UNC79: variants seen among roughly 807,000 people sequenced by gnomAD.
UNC79 encodes the protein protein unc-79 homolog.
In UNC79, 37 loss-of-function variants were observed where a neutral mutation model predicts 283.1. That is an observed-to-expected ratio of 0.13 (90% CI 0.10 to 0.17). The LOEUF is 0.17. Ranked by LOEUF, UNC79 falls within the 10% of genes least tolerant of loss-of-function variation. The pLI is 1.00. For missense variants in UNC79, 2,272 were observed against 3,211.1 expected, an observed-to-expected ratio of 0.71 and a Z score of 7.07; for synonymous variants, 1,107 against 1,200.2, an observed-to-expected ratio of 0.92 and a Z score of 1.61.
chr14:93,339,188 C>T (rs2053646218), intron 1 of UNC79, among the ~76,000 whole-genome samples: 1 of 152,208 alleles, frequency 6.6e-6, no homozygotes, highest in African/African-American at 2.4e-5. Flanking sequence ...CAGATGTTCA[C>T]ACAGAGACAA....
chr14:93,636,664 C>T (rs1448309660), intron 31 of UNC79, among the ~76,000 whole-genome samples: 2 of 152,288 alleles, frequency 1.3e-5, no homozygotes, highest in East Asian at 1.9e-4. Flanking sequence ...CCATGCATGG[C>T]GCCATGACTT....
At chr14:93,678,289 G>A (rs1481252917) in intron 41 of UNC79, among the ~76,000 whole-genome samples, 2 of 152,176 alleles carry the variant, frequency 1.3e-5, no homozygotes, top group Admixed American at 6.5e-5. Context: ...AAAAAGATCA[G>A]TAACCAGAAG....
chr14:93,592,213 C>T (rs1333169156), intron 22 of UNC79, among the ~76,000 whole-genome samples: 4 of 132,624 alleles, frequency 3.0e-5, no homozygotes, highest in Admixed American at 1.8e-4. Context: ...CTCGCTCTGT[C>T]GCCCAGGCTG....
At chr14:93,519,546 T>C (rs940409318) in intron 7 of UNC79, among the ~76,000 whole-genome samples, 1 of 151,874 alleles carries the variant, frequency 6.6e-6, no homozygotes, top group Admixed American at 6.6e-5. Flanking sequence ...ATTTCTGGTA[T>C]GAATTGAAGC....
At chr14:93,445,240 C>T (rs138963952) in intron 1 of UNC79, among the ~76,000 whole-genome samples, 2,082 of 152,222 alleles carry the variant, frequency 0.014, 58 homozygotes, top group African/African-American at 0.048. Flanking sequence ...TGCACTGTTA[C>T]GCCATTTGTG....
At chr14:93,415,380 T>C in intron 1 of UNC79, among the ~76,000 whole-genome samples, 1 of 152,200 alleles carries the variant, frequency 6.6e-6, no homozygotes. Flanking sequence ...CACTTGATCA[T>C]GGTGGATAAG....
chr14:93,685,983 A>G (rs561529364), intron 42 of UNC79, among the ~76,000 whole-genome samples: 2 of 152,242 alleles, frequency 1.3e-5, no homozygotes, highest in Non-Finnish European at 2.9e-5. Context: ...AGAACTTGAC[A>G]GTAATACATG....
At position 93,705,347 on chromosome 14, in the gene UNC79, CAAAAAA is replaced by C. The variant is rs71129656; in HGVS notation, c.7590+701_7590+706del. On this transcript the variant is annotated intron_variant, in intron 48 of 48. Coordinates refer to ENST00000555664, the Ensembl canonical transcript of UNC79. Reference sequence around the variant, plus strand: ...ATAGACAGAGCAAGACCCAGTCTCTCAAAAAAAAAAAAAAAAAAAAAAAAAGAGGAG... The same window carrying C: ...ATAGACAGAGCAAGACCCAGTCTCTCAAAAAAAAAAAAAAAAAAAGAGGAG... 2.7e-3 allele frequency among the ~76,000 whole-genome samples: 234 copies of C among 87,528 alleles called. 1 individual carries two copies. The highest frequency in any genetic ancestry group is 0.017 in the Middle Eastern group (2 of 116). The allele number at this position is 87,528 out of a possible 152,430, so 57.4% of individuals were successfully genotyped here. A position where few individuals can be genotyped will look rare whatever the true frequency, so the allele number is the denominator to read the frequency against.
intron 1 of UNC79, among the ~76,000 whole-genome samples, chr14:93,388,524 A>C (rs575540556): frequency 3.3e-5 from 5 of 152,346 alleles, no homozygotes; most frequent in South Asian, 2.1e-4. Context: ...ATGCACTTTT[A>C]ATGTTAATAG....
chr14:93,390,001 T>G (rs1221937936), intron 1 of UNC79, among the ~76,000 whole-genome samples: 1 of 152,162 alleles, frequency 6.6e-6, no homozygotes, highest in African/African-American at 2.4e-5. Flanking sequence ...AAACTAGCCA[T>G]AGATGTTATG....
chr14:93,479,847 T>C (rs2058032954), intron 4 of UNC79, among the ~76,000 whole-genome samples: 1 of 152,170 alleles, frequency 6.6e-6, no homozygotes, highest in South Asian at 2.1e-4. Context: ...TTTCCCAGGC[T>C]GATCTGGAAT....
At chr14:93,605,945 G>A (rs563689868) in intron 26 of UNC79, among the ~76,000 whole-genome samples, 70 of 152,170 alleles carry the variant, frequency 4.6e-4, no homozygotes, top group African/African-American at 1.7e-3. Flanking sequence ...CTTACACATC[G>A]CTCATGTACG....
At chr14:93,446,966 G>T (rs1337064502) in intron 1 of UNC79, among the ~76,000 whole-genome samples, 1 of 152,026 alleles carries the variant, frequency 6.6e-6, no homozygotes, top group African/African-American at 2.4e-5. Flanking sequence ...TCTAATAGTT[G>T]CTGTTAAAGC....
chr14:93,456,849 G>A (rs1161394956), intron 1 of UNC79, among the ~76,000 whole-genome samples: 1 of 152,120 alleles, frequency 6.6e-6, no homozygotes, highest in Non-Finnish European at 1.5e-5. Context: ...TGTCTGTTTG[G>A]CCTTCTGACT....
At chr14:93,337,770 C>A (rs938740822) in intron 1 of UNC79, among the ~76,000 whole-genome samples, 6 of 152,264 alleles carry the variant, frequency 3.9e-5, no homozygotes, top group Non-Finnish European at 7.3e-5. Context: ...GACCTCAGGG[C>A]TCCCCAAACT....
chr14:93,646,738 A>G, intron 35 of UNC79, 92 bp downstream of exon 38: 1 of 1,412,950 alleles, frequency 7.1e-7, no homozygotes, highest in Non-Finnish European at 9.9e-7. Context: ...GGCTGGGTGC[A>G]GTGGCTCGCG....
intron 1 of UNC79, among the ~76,000 whole-genome samples, chr14:93,399,811 T>C (rs1227186276): frequency 1.3e-5 from 2 of 152,184 alleles, no homozygotes; most frequent in African/African-American, 4.8e-5. Flanking sequence ...ATTGCCAATC[T>C]CCTATGTGCA....
intron 1 of UNC79, among the ~76,000 whole-genome samples, chr14:93,350,105 C>T (rs567851188): frequency 4.7e-4 from 72 of 152,110 alleles, no homozygotes; most frequent in Middle Eastern, 3.4e-3. Context: ...AGAGTGGTTT[C>T]GTCTATAAAA....
intron 4 of UNC79, 34 bp downstream of exon 4, chr14:93,477,762 T>G: frequency 2.5e-6 from 4 of 1,581,424 alleles, no homozygotes; most frequent in Non-Finnish European, 3.4e-6. Flanking sequence ...TAGATTATTT[T>G]TATGTATGAT....
Sources: allele counts gnomAD v4.1 joint callset (sites outside exome capture counted in the v4.1 genomes callset), GRCh38; gene constraint gnomAD v4.1.1; transcripts MANE v1.5; gene names NCBI Gene and HGNC (gene_info 2026-07-23, HGNC 2026-07-21).